C1QTNF3: variants seen among roughly 807,000 people sequenced by gnomAD.
C1QTNF3 encodes C1q and TNF related 3, also known as complement C1q tumor necrosis factor-related protein 3.
In C1QTNF3, 26 loss-of-function variants were observed where a neutral mutation model predicts 32.6. The ratio of observed to expected loss-of-function variants is 0.80; its 90% CI spans 0.58 to 1.11. C1QTNF3 has a LOEUF of 1.11. C1QTNF3 is among the 50% of genes least tolerant of loss of function. The pLI is 0.00. For missense variants in C1QTNF3, 362 were observed against 398.2 expected (o/e 0.91, Z 0.77); for synonymous variants, 155 against 146.0 (o/e 1.06, Z -0.44).
At chr5:34,032,094 C>T (rs1754627466) in intron 3 of C1QTNF3, among the ~76,000 whole-genome samples, 1 of 152,166 alleles carries the variant, frequency 6.6e-6, no homozygotes, top group Admixed American at 6.5e-5. Context: ...CCACAAGTTA[C>T]TTTTTTTGGG....
At chr5:34,049,445 C>G in the C1QTNF3 span, among the ~76,000 whole-genome samples, 1 of 152,168 alleles carries the variant, frequency 6.6e-6, no homozygotes, top group Non-Finnish European at 1.5e-5. Flanking sequence ...AGATGGAAGT[C>G]AAACAAGCTT....
chr5:34,166,810 A>G, the C1QTNF3 span: 2 of 151,738 alleles, frequency 1.3e-5, no homozygotes, highest in African/African-American at 4.8e-5. Flanking sequence ...TGACATAGTG[A>G]GAGTTATGAT....
the C1QTNF3 span, among the ~76,000 whole-genome samples, chr5:34,118,448 G>A: frequency 2.0e-5 from 3 of 152,094 alleles, no homozygotes; most frequent in African/African-American, 7.2e-5. Context: ...TCCATATTTT[G>A]TATTAGCTGG....
Position 34,018,314 on chromosome 5 carries a change from A to T in C1QTNF3, c.*2269T>A, listed in dbSNP as rs978538756. On this transcript the variant is annotated 3_prime_UTR_variant, in exon 6 of 6. Coordinates refer to ENST00000382065, the MANE Select transcript of C1QTNF3 (RefSeq NM_181435.6). Reference sequence around the variant, plus strand: ...GCAAGAAATTGTCTCTGGCCATCAGATATTATCTTTTCCACAAGCTTTTCT... The same window carrying T: ...GCAAGAAATTGTCTCTGGCCATCAGTTATTATCTTTTCCACAAGCTTTTCT... Among the ~76,000 whole-genome samples the T allele has an allele frequency of 1.3e-5, 2 of 152,168 alleles. No homozygotes were observed. The highest frequency in any genetic ancestry group is 1.5e-5 in the Non-Finnish European group (1 of 68,030).
At chr5:34,100,058 A>T in the C1QTNF3 span, among the ~76,000 whole-genome samples, 1 of 151,920 alleles carries the variant, frequency 6.6e-6, no homozygotes, top group African/African-American at 2.4e-5. Flanking sequence ...TGTTTCTCAC[A>T]GTTCTGGAGG....
chr5:34,022,188 G>A (rs1754346236), intron 5 of C1QTNF3, among the ~76,000 whole-genome samples: 1 of 152,188 alleles, frequency 6.6e-6, no homozygotes. Flanking sequence ...AGCCAGCTAA[G>A]TAAATAGAGT....
chr5:34,103,822 C>CT, the C1QTNF3 span, among the ~76,000 whole-genome samples: 27 of 145,016 alleles, frequency 1.9e-4, no homozygotes, highest in Non-Finnish European at 6.0e-5. Context: ...AATTCTGTCT[C>CT]TAAAAAAAAA....
At chr5:34,101,132 C>T in the C1QTNF3 span, among the ~76,000 whole-genome samples, 2 of 151,424 alleles carry the variant, frequency 1.3e-5, no homozygotes, top group African/African-American at 4.8e-5. Context: ...ATATAATTTC[C>T]ATTATTTTAG....
chr5:34,088,681 T>C, the C1QTNF3 span, among the ~76,000 whole-genome samples: 2 of 152,174 alleles, frequency 1.3e-5, no homozygotes, highest in African/African-American at 4.8e-5. Context: ...TTTTTTTGTT[T>C]GTTTGTTTGT....
chr5:34,020,443 A>T lies in C1QTNF3; in HGVS notation c.*140T>A. Reference sequence around the variant, plus strand: ...CTGAATTGTCCAACATTATTGGTGTACCTGTAGCGTGAACAACATTGCAAC... The same window carrying T: ...CTGAATTGTCCAACATTATTGGTGTTCCTGTAGCGTGAACAACATTGCAAC... On this transcript the variant is annotated 3_prime_UTR_variant, in exon 6 of 6. Coordinates refer to ENST00000382065, the MANE Select transcript of C1QTNF3 (RefSeq NM_181435.6). 1.0e-6 allele frequency: 1 copy of T among 968,862 alleles called. No homozygotes were observed. Among genetic ancestry groups the T allele is most frequent in the Non-Finnish European group, 1.6e-6 (1 of 642,848 alleles). 60.0% of individuals were successfully genotyped at this position (968,862 alleles called of 1,614,324 possible).
the C1QTNF3 span, among the ~76,000 whole-genome samples, chr5:34,125,957 TA>T: frequency 6.6e-6 from 1 of 152,302 alleles, no homozygotes; most frequent in African/African-American, 2.4e-5. Flanking sequence ...TTCAGGTGTA[TA>T]AGAGGGAATT....
the C1QTNF3 span, among the ~76,000 whole-genome samples, chr5:34,120,895 A>T: frequency 6.6e-6 from 1 of 152,228 alleles, no homozygotes; most frequent in Non-Finnish European, 1.5e-5. Flanking sequence ...TATGTGATAT[A>T]GTAATAGCAA....
the C1QTNF3 span, among the ~76,000 whole-genome samples, chr5:34,126,793 A>G: frequency 6.6e-6 from 1 of 152,112 alleles, no homozygotes; most frequent in African/African-American, 2.4e-5. Flanking sequence ...CTGCAACAAA[A>G]TGAATAAACC....
chr5:34,125,619 C>T, the C1QTNF3 span, among the ~76,000 whole-genome samples: 5 of 151,836 alleles, frequency 3.3e-5, no homozygotes, highest in Non-Finnish European at 5.9e-5. Flanking sequence ...AGCACATTGT[C>T]TGCACATTTC....
chr5:34,172,632 C>T, the C1QTNF3 span, among the ~76,000 whole-genome samples: 3 of 152,072 alleles, frequency 2.0e-5, no homozygotes, highest in Non-Finnish European at 4.4e-5. Context: ...TTAAATCAGC[C>T]AATGCATGTA....
the C1QTNF3 span, among the ~76,000 whole-genome samples, chr5:34,160,462 A>G: frequency 6.6e-6 from 1 of 152,302 alleles, no homozygotes; most frequent in African/African-American, 2.4e-5. Context: ...TGAATATTTG[A>G]AAAGGATGTT....
chr5:34,094,161 A>G, the C1QTNF3 span, among the ~76,000 whole-genome samples: 4 of 152,194 alleles, frequency 2.6e-5, no homozygotes, highest in Admixed American at 2.6e-4. Context: ...CTGCAATAGA[A>G]TGGGGTCACC....
chr5:34,127,781 A>G, the C1QTNF3 span, among the ~76,000 whole-genome samples: 4 of 151,658 alleles, frequency 2.6e-5, no homozygotes, highest in African/African-American at 9.7e-5. Context: ...GTACAGTCAC[A>G]TGCATTCACA....
the C1QTNF3 span, among the ~76,000 whole-genome samples, chr5:34,094,412 T>C: frequency 6.6e-6 from 1 of 152,152 alleles, no homozygotes; most frequent in Non-Finnish European, 1.5e-5. Flanking sequence ...AATGTCTTTG[T>C]ACCCATGTGG....
Sources: gnomAD v4.1 joint callset for allele counts (sites outside exome capture counted in the v4.1 genomes callset) on GRCh38, gnomAD v4.1.1 for gene constraint, MANE v1.5 for transcripts, NCBI Gene and HGNC (gene_info 2026-07-23, HGNC 2026-07-21) for gene names.